TPP2: variants seen among roughly 807,000 people sequenced by gnomAD.
The protein encoded by TPP2 is tripeptidyl-peptidase 2.
Under a neutral mutation model 155.9 loss-of-function variants are expected in TPP2, and 34 were observed. The ratio of observed to expected loss-of-function variants is 0.22; its 90% CI spans 0.17 to 0.29. The LOEUF is 0.29. TPP2 is among the 10% of genes least tolerant of loss of function. TPP2 has a pLI of 1.00. For synonymous variants in TPP2, 510 were observed against 529.4 expected, an observed-to-expected ratio of 0.96 and a Z score of 0.50; for missense variants, 1,028 against 1,522.3, an observed-to-expected ratio of 0.68 and a Z score of 5.40.
intron 24 of TPP2, chr13:102,654,915 C>T: frequency 2.1e-6 from 1 of 471,606 alleles, no homozygotes; most frequent in Non-Finnish European, 4.3e-6. Flanking sequence ...GAGAGTGAAC[C>T]TCAAGAAGGA....
At chr13:102,658,859 T>A (rs1335661812) in intron 25 of TPP2, among the ~76,000 whole-genome samples, 1 of 151,792 alleles carries the variant, frequency 6.6e-6, no homozygotes, top group Admixed American at 6.5e-5. Context: ...CTGAGTGCTC[T>A]CAAGAGGTAG....
rs532488918 is a variant in TPP2, at chr13:102,614,600, C to T, written c.390+404C>T. Among the ~76,000 whole-genome samples, 15 of 152,256 alleles carry T rather than the reference C, an allele frequency of 9.9e-5. No homozygotes were observed. In the East Asian group the frequency reaches 2.7e-3, roughly 27 times the overall value. On this transcript the variant is annotated intron_variant, in intron 3 of 29. Coordinates refer to ENST00000376052, the MANE Select transcript of TPP2 (RefSeq NM_001330588.2). ...GTAGTTTCTGTGATAATGTCCCTCCCCTGTTTAACTAGCCTTCTTGCTCCC... is the reference window on the plus strand; with the variant it reads ...GTAGTTTCTGTGATAATGTCCCTCCTCTGTTTAACTAGCCTTCTTGCTCCC...
rs655117 is a variant in TPP2 at position 102,679,642 on chromosome 13, G to A, written c.*1326G>A. 75,085 of 151,680 alleles carry A rather than the reference G, an allele frequency of 0.5. 18,926 individuals are homozygous for A. The highest frequency in any genetic ancestry group is 0.6 in the African/African-American group (24,756 of 41,314). The allele number at this position is 151,680 out of a possible 1,614,324, so 9.4% of individuals were successfully genotyped here. On this transcript the variant is annotated 3_prime_UTR_variant, in exon 30 of 30. Coordinates refer to ENST00000376052, the MANE Select transcript of TPP2 (RefSeq NM_001330588.2). ...TGGTCACACCTTCTGGGCTAGCTAG[G>A]GTCCAAAGTCTATCCATGAAAGCTA... is the stretch of plus-strand genomic sequence containing the variant.
intron 1 of TPP2, among the ~76,000 whole-genome samples, chr13:102,600,955 A>G (rs1010074983): frequency 1.4e-3 from 209 of 151,452 alleles, no homozygotes; most frequent in African/African-American, 4.8e-3. Context: ...CAGTGGCAGG[A>G]TCACCACTCA....
intron 29 of TPP2, among the ~76,000 whole-genome samples, chr13:102,677,391 T>C (rs1885345804): frequency 6.6e-6 from 1 of 152,054 alleles, no homozygotes; most frequent in Non-Finnish European, 1.5e-5. Flanking sequence ...CTGCCTGTTC[T>C]CCACACAGCA....
chr13:102,662,049 G>T (rs889035435), intron 25 of TPP2, among the ~76,000 whole-genome samples: 1 of 152,188 alleles, frequency 6.6e-6, no homozygotes, highest in African/African-American at 2.4e-5. Context: ...CAAACAAAAT[G>T]TGGTGTATCC....
intron 27 of TPP2, among the ~76,000 whole-genome samples, chr13:102,666,199 G>C (rs756142219): frequency 3.5e-4 from 53 of 152,196 alleles, no homozygotes; most frequent in Non-Finnish European, 5.7e-4. Flanking sequence ...CTGAAGTTCA[G>C]AGAGTTTAGA....
chr13:102,668,741 A>T (rs998780485), intron 27 of TPP2, among the ~76,000 whole-genome samples: 5 of 152,240 alleles, frequency 3.3e-5, no homozygotes, highest in African/African-American at 1.2e-4. Flanking sequence ...GAGAATAAGA[A>T]GGGTTAATAC....
chr13:102,666,278 G>A (rs1467292724), intron 27 of TPP2, among the ~76,000 whole-genome samples: 3 of 152,192 alleles, frequency 2.0e-5, no homozygotes, highest in Non-Finnish European at 2.9e-5. Context: ...TGCCTCCACA[G>A]CCAATGCCCT....
chr13:102,667,936 A>G (rs1884715035), intron 27 of TPP2: 8 of 464,430 alleles, frequency 1.7e-5, no homozygotes, highest in Non-Finnish European at 2.3e-5. Context: ...GGCCAAAGAG[A>G]GTTAGCAGTC....
At chr13:102,605,186 G>C (rs985579019) in intron 2 of TPP2, among the ~76,000 whole-genome samples, 1 of 151,780 alleles carries the variant, frequency 6.6e-6, no homozygotes, top group African/African-American at 2.4e-5. Flanking sequence ...TGAAGGCTCA[G>C]CTTGGGAGAA....
chr13:102,631,924 G>A (rs868201147), intron 10 of TPP2, among the ~76,000 whole-genome samples: 3 of 152,286 alleles, frequency 2.0e-5, no homozygotes, highest in Middle Eastern at 3.4e-3. Flanking sequence ...CCAGGCATTT[G>A]CACGTGTGGC....
At chr13:102,613,630 A>G (rs1455680749) in intron 2 of TPP2, among the ~76,000 whole-genome samples, 1 of 152,134 alleles carries the variant, frequency 6.6e-6, no homozygotes, top group Admixed American at 6.5e-5. Flanking sequence ...CTTTATACAG[A>G]ATTTTTGGTT....
At chr13:102,634,861 G>T (rs1478176203) in intron 11 of TPP2, among the ~76,000 whole-genome samples, 1 of 152,158 alleles carries the variant, frequency 6.6e-6, no homozygotes, top group Non-Finnish European at 1.5e-5. Context: ...CTCCATCTTT[G>T]GGTGTACTGC....
intron 2 of TPP2, among the ~76,000 whole-genome samples, chr13:102,605,572 T>C (rs1018871717): frequency 1.3e-5 from 2 of 152,210 alleles, no homozygotes; most frequent in African/African-American, 4.8e-5. Context: ...AATACAAAGA[T>C]AGAGAAAGTA....
chr13:102,650,449 C>T (rs1167309239), intron 23 of TPP2, among the ~76,000 whole-genome samples: 1 of 152,176 alleles, frequency 6.6e-6, no homozygotes, highest in Non-Finnish European at 1.5e-5. Context: ...CCTACCCTGA[C>T]ATTTCTTGGG....
At chr13:102,615,021 TATAATCCTGGGAAGTGAGCTTGATGG>T (rs1172037685) in intron 3 of TPP2, among the ~76,000 whole-genome samples, 1 of 152,128 alleles carries the variant, frequency 6.6e-6, no homozygotes, top group Non-Finnish European at 1.5e-5. Context: ...TAAAATAAGG[TATAATCCTGGGAAGTGAGCTTGATGG>T]ATAAGATGTG....
intron 4 of TPP2, among the ~76,000 whole-genome samples, chr13:102,618,200 G>A (rs946671739): frequency 6.6e-6 from 1 of 152,116 alleles, no homozygotes; most frequent in East Asian, 1.9e-4. Flanking sequence ...CTAAAATAAG[G>A]CTTCACTTAC....
At chr13:102,605,594 G>A (rs965939999) in intron 2 of TPP2, among the ~76,000 whole-genome samples, 9 of 151,814 alleles carry the variant, frequency 5.9e-5, no homozygotes, top group African/African-American at 2.2e-4. Context: ...CCACATCATA[G>A]CTTTGCCTTC....
Sources: gnomAD v4.1 joint callset for allele counts (sites outside exome capture counted in the v4.1 genomes callset) on GRCh38, gnomAD v4.1.1 for gene constraint, MANE v1.5 for transcripts, NCBI Gene and HGNC (gene_info 2026-07-23, HGNC 2026-07-21) for gene names.